The following KIRREL3 variants were observed in gnomAD, a reference collection of about 807,000 sequenced individuals.
The protein encoded by KIRREL3 is kirre like nephrin family adhesion molecule 3, also known as kin of IRRE-like protein 3.
A neutral mutation model predicts 89.7 loss-of-function variants in KIRREL3; 36 were observed. That is an observed-to-expected ratio of 0.40 (90% confidence interval 0.31 to 0.53). The LOEUF is 0.53. Among genes scored for constraint, KIRREL3 ranks in the 20% least tolerant of loss-of-function variants. KIRREL3 has a pLI of 0.49. For missense variants in KIRREL3, 864 were observed against 1,056.6 expected (o/e 0.82, Z 2.53); for synonymous variants, 445 against 441.4 (o/e 1.01, Z -0.10).
intron 1 of KIRREL3, among the ~76,000 whole-genome samples, chr11:126,751,725 G>A (rs1949344229): frequency 3.3e-5 from 5 of 151,998 alleles, no homozygotes; most frequent in Admixed American, 3.3e-4. Flanking sequence ...ATCTGAATAT[G>A]GGAAGGGAAA....
Position 126,678,629 on chromosome 11 carries a change from A to AG in KIRREL3, c.56-115718dup, listed in dbSNP as rs1946309606. ...AAAAAAAAAAAAAAAAAAAAAAAGA[A>AG]GTGGAGAAGGAATGTTCTTCCTGGG... On this transcript the variant is annotated intron_variant, in intron 1 of 16. Transcript: ENST00000525144. 2.8e-5 allele frequency among the ~76,000 whole-genome samples: 4 copies of AG among 143,426 alleles called. No homozygotes were observed. In the South Asian group the frequency reaches 9.2e-4, roughly 33 times the overall value. The allele number at this position is 143,426 out of a possible 152,430, so 94.1% of individuals were successfully genotyped here.
In KIRREL3 at chr11:126,431,565, G is replaced by A. The variant is rs1036535381; in HGVS notation, c.1589-39C>T. Reference sequence around the variant, plus strand: ...GCGGGCACAGCTGATGACGGATGGGGAATGGCCTACTATCCCCCCATGATC... The same window carrying A: ...GCGGGCACAGCTGATGACGGATGGGAAATGGCCTACTATCCCCCCATGATC... On this transcript the variant is annotated intron_variant, in intron 13 of 16. Coordinates refer to ENST00000525144, the MANE Select transcript of KIRREL3 (RefSeq NM_032531.4). The surrounding 1 kb of genome is among the most constrained non-coding windows in gnomAD (Gnocchi z 7.1). 1.1e-5 allele frequency: 17 copies of A among 1,581,192 alleles called. No homozygotes were observed. Among genetic ancestry groups the A allele is most frequent in the Non-Finnish European group, 1.0e-5 (12 of 1,155,222 alleles).
In KIRREL3 at chr11:126,744,662, G is replaced by A. The variant is rs899995200; in HGVS notation, c.56-181750C>T. Reference sequence around the variant, plus strand: ...AGGCTAAGCCAGGGCTCCCTGGCGTGTGCCCCATGGTGCTGGCAATAGTGT... The same window carrying A: ...AGGCTAAGCCAGGGCTCCCTGGCGTATGCCCCATGGTGCTGGCAATAGTGT... On this transcript the variant is annotated intron_variant, in intron 1 of 16. Transcript: ENST00000525144. The surrounding 1 kb of genome is among the most constrained non-coding windows in gnomAD (Gnocchi z 4.7). 6.6e-6 allele frequency among the ~76,000 whole-genome samples: 1 copy of A among 152,210 alleles called. No homozygotes were observed. The highest frequency in any genetic ancestry group is 1.5e-5 in the Non-Finnish European group (1 of 68,020).
intron 5 of KIRREL3, among the ~76,000 whole-genome samples, chr11:126,465,395 C>T (rs1478165825): frequency 6.6e-6 from 1 of 152,178 alleles, no homozygotes; most frequent in Non-Finnish European, 1.5e-5. Flanking sequence ...GAACCCTGAG[C>T]CACAGCCTCT....
intron 9 of KIRREL3, among the ~76,000 whole-genome samples, chr11:126,446,009 G>A (rs765077869): frequency 2.6e-5 from 4 of 152,072 alleles, no homozygotes; most frequent in Non-Finnish European, 4.4e-5. Flanking sequence ...TTAGCTGGGC[G>A]TGGTGGCCCA....
chr11:126,820,133 C>T (rs2134450360), intron 1 of KIRREL3, among the ~76,000 whole-genome samples: 1 of 152,270 alleles, frequency 6.6e-6, no homozygotes, highest in South Asian at 2.1e-4. Flanking sequence ...AAAAATCCCC[C>T]TGCCCCATTC....
In KIRREL3 at chr11:126,521,670, C is replaced by CTT. The variant is rs1958591670; in HGVS notation, c.284-207_284-206insAA. Among the ~76,000 whole-genome samples the CTT allele has an allele frequency of 7.4e-6, 1 of 135,226 alleles. No individual in the cohort carries two copies. The highest frequency in any genetic ancestry group is 2.3e-4 in the South Asian group (1 of 4,270). 88.7% of individuals were successfully genotyped at this position (135,226 alleles called of 152,430 possible). On this transcript the variant is annotated intron_variant, in intron 3 of 16. Coordinates refer to ENST00000525144, the MANE Select transcript of KIRREL3 (RefSeq NM_032531.4). The surrounding 1 kb of genome is among the most constrained non-coding windows in gnomAD (Gnocchi z 4.1). ...GAAGGTGTTGGTTCTCTCTCTCTCT[C>CTT]TCTGTATGTGTGTGTGTGTGTGTGT...
rs1236667069 is a variant in KIRREL3 at position 126,456,569 on chromosome 11, C to T, written c.743-115G>A. On this transcript the variant is annotated intron_variant, in intron 6 of 16. Transcript: ENST00000525144. ...ACCACCCAGGGACCCTCAGAGCAGC[C>T]CCCGCCCTGGTGGTCTTCAGGAAGC... The T allele has an allele frequency of 1.0e-5, 7 of 691,688 alleles. No individual in the cohort carries two copies. The East Asian group carries it at 1.4e-4, about 14-fold the overall frequency. The allele number at this position is 691,688 out of a possible 1,614,324, so 42.8% of individuals were successfully genotyped here.
intron 1 of KIRREL3, among the ~76,000 whole-genome samples, chr11:126,646,268 C>G (rs1204472522): frequency 6.6e-6 from 1 of 151,740 alleles, no homozygotes; most frequent in African/African-American, 2.4e-5. Flanking sequence ...CATCTTTGTT[C>G]TTAGACTGTA....
intron 2 of KIRREL3, among the ~76,000 whole-genome samples, chr11:126,554,648 G>C (rs1939563425): frequency 6.6e-6 from 1 of 152,144 alleles, no homozygotes; most frequent in Non-Finnish European, 1.5e-5. Flanking sequence ...TGGGCTCCTG[G>C]GATCTAATGG....
chr11:126,653,813 CT>C lies in KIRREL3; in HGVS notation c.56-90902del, dbSNP rs1160616720. On this transcript the variant is annotated intron_variant, in intron 1 of 16. Coordinates refer to ENST00000525144, the MANE Select transcript of KIRREL3 (RefSeq NM_032531.4). This position sits in a 1 kb window ranked among gnomAD's most constrained non-coding sequence, Gnocchi z 5.4. ...GAGAAGGGCAGGGATGCCCCTGGCA[CT>C]TTTTTTGTCTCTGGTGCTATCAAAC... 6.6e-6 allele frequency among the ~76,000 whole-genome samples: 1 copy of C among 152,186 alleles called. No individual in the cohort carries two copies. The highest frequency in any genetic ancestry group is 1.5e-5 in the Non-Finnish European group (1 of 68,034).
rs1375213113 is a variant in KIRREL3 at position 126,541,553 on chromosome 11, T to C, written c.134-14866A>G. Among the ~76,000 whole-genome samples, 8 of 152,204 alleles carry C rather than the reference T, an allele frequency of 5.3e-5. No homozygotes were observed. The highest frequency in any genetic ancestry group is 7.3e-5 in the Non-Finnish European group (5 of 68,034). On this transcript the variant is annotated intron_variant, in intron 2 of 16. Coordinates refer to ENST00000525144, the MANE Select transcript of KIRREL3 (RefSeq NM_032531.4). The surrounding 1 kb of genome is among the most constrained non-coding windows in gnomAD (Gnocchi z 4.8). The stretch of plus-strand genomic sequence containing the variant: ...ATAATCATTTATGCTGCTATAGCCT[T>C]GTCAGTCAGAGACGGTTCTAAAACT...
chr11:126,869,378 T>A (rs1340826178), intron 1 of KIRREL3, among the ~76,000 whole-genome samples: 1 of 152,036 alleles, frequency 6.6e-6, no homozygotes, highest in Non-Finnish European at 1.5e-5. Context: ...CTACCTTCAC[T>A]CCCTGTCTTC....
rs534169680 is a variant in KIRREL3 at position 126,627,008 on chromosome 11, A to C, written c.56-64096T>G. Among the ~76,000 whole-genome samples, 303 of 26,136 alleles carry C rather than the reference A, an allele frequency of 0.012. 1 individual carries two copies. Among genetic ancestry groups the C allele is most frequent in the African/African-American group, 0.019 (282 of 14,826 alleles). The allele number at this position is 26,136 out of a possible 152,430, so 17.1% of individuals were successfully genotyped here. On this transcript the variant is annotated intron_variant, in intron 1 of 16. Transcript: ENST00000525144. The surrounding 1 kb of genome is among the most constrained non-coding windows in gnomAD (Gnocchi z 5.0). ...AGAGTGAAACACTGTCTCAAGAAAAAAAAAAAACAAAAAAAAAAGAATAAC... is the reference window on the plus strand; with the variant it reads ...AGAGTGAAACACTGTCTCAAGAAAACAAAAAAACAAAAAAAAAAGAATAAC...
chr11:126,827,408 C>T (rs987124227), intron 1 of KIRREL3, among the ~76,000 whole-genome samples: 1 of 152,102 alleles, frequency 6.6e-6, no homozygotes, highest in Non-Finnish European at 1.5e-5. Flanking sequence ...GAACTCCTGA[C>T]CTCGTGATTC....
chr11:126,704,624 G>A lies in KIRREL3; in HGVS notation c.56-141712C>T, dbSNP rs980198111. The stretch of plus-strand genomic sequence containing the variant: ...GGCTGACTTTCCATACACAGACAGG[G>A]CTCTATTTTTGGATGTCTTGGTTCT... On this transcript the variant is annotated intron_variant, in intron 1 of 16. Coordinates refer to ENST00000525144, the MANE Select transcript of KIRREL3 (RefSeq NM_032531.4). This position sits in a 1 kb window ranked among gnomAD's most constrained non-coding sequence, Gnocchi z 4.2. Among the ~76,000 whole-genome samples, 2 of 152,202 alleles carry A rather than the reference G, an allele frequency of 1.3e-5. No homozygotes were observed. Among genetic ancestry groups the A allele is most frequent in the Non-Finnish European group, 2.9e-5 (2 of 68,040 alleles).
At position 126,459,709 on chromosome 11, in the gene KIRREL3, T is replaced by A. The variant is rs535267457; in HGVS notation, c.743-3255A>T. Among the ~76,000 whole-genome samples, 1 of 152,186 alleles carries A rather than the reference T, an allele frequency of 6.6e-6. No homozygotes were observed. The highest frequency in any genetic ancestry group is 2.4e-5 in the African/African-American group (1 of 41,448). On this transcript the variant is annotated intron_variant, in intron 6 of 16. Transcript: ENST00000525144. This position sits in a 1 kb window ranked among gnomAD's most constrained non-coding sequence, Gnocchi z 4.8. ...AGCTGAGAGTCTGTTAGTGTTTCCA[T>A]CCGCCCGTGTGTGCGTGTGTCCATG...
intron 12 of KIRREL3, among the ~76,000 whole-genome samples, chr11:126,436,050 G>C (rs1955319817): frequency 6.6e-6 from 1 of 152,218 alleles, no homozygotes; most frequent in Admixed American, 6.5e-5. Context: ...TCCCCATCCT[G>C]TTGTCTGTGC....
At chr11:126,759,394 C>T (rs1453358352) in intron 1 of KIRREL3, among the ~76,000 whole-genome samples, 4 of 152,218 alleles carry the variant, frequency 2.6e-5, no homozygotes, top group African/African-American at 7.2e-5. Context: ...TCCCAAAGTG[C>T]TGGGATTACA....
Sources: gnomAD v4.1 joint callset for allele counts (sites outside exome capture counted in the v4.1 genomes callset) on GRCh38, gnomAD v4.1.1 for gene constraint, Gnocchi (gnomAD v3.1) non-coding constraint, MANE v1.5 for transcripts, NCBI Gene and HGNC (gene_info 2026-07-23, HGNC 2026-07-21) for gene names.